Variants in ADGRB1 observed in about 807,000 individuals in gnomAD.
ADGRB1 encodes the protein brain-specific angiogenesis inhibitor 1.
ADGRB1 carries 36 observed loss-of-function variants against 175.7 expected under a neutral mutation model. The ratio of observed to expected loss-of-function variants is 0.20; its 90% CI spans 0.16 to 0.27. ADGRB1 has a LOEUF of 0.27. Among genes scored for constraint, ADGRB1 ranks in the 10% least tolerant of loss-of-function variants. The pLI, the probability that ADGRB1 is intolerant of heterozygous loss-of-function variation, is 1.00. For synonymous variants in ADGRB1, 1,054 were observed against 979.4 expected (o/e 1.08, Z -1.42); for missense variants, 1,731 against 2,255.3 (o/e 0.77, Z 4.71).
At chr8:142,479,628 C>T in intron 8 of ADGRB1, 65 bp from the exon 9 acceptor site, 1 of 1,492,836 alleles carries the variant, frequency 6.7e-7, no homozygotes, top group South Asian at 1.2e-5. Flanking sequence ...CGCCTTGCAC[C>T]TTCCAGAGCC....
intron 24 of ADGRB1, among the ~76,000 whole-genome samples, chr8:142,531,245 C>T (rs1331439885): frequency 6.6e-6 from 1 of 152,246 alleles, no homozygotes; most frequent in Non-Finnish European, 1.5e-5. Flanking sequence ...AACCGAGGCC[C>T]CAGCCGAGGG....
At position 142,517,984 on chromosome 8, in the gene ADGRB1, G is replaced by A. The variant is rs537559334; in HGVS notation, c.2818-154G>A. On this transcript the variant is annotated intron_variant, in intron 18 of 30. Coordinates refer to ENST00000517894, the MANE Select transcript of ADGRB1 (RefSeq NM_001702.3). ...CCTGGGCTGGTAGAGGAAACCCCTC[G>A]TCTGCAGGGGGCGGGTGGGGAGGTG... Among the ~76,000 whole-genome samples, 111 of 151,414 alleles carry A rather than the reference G, an allele frequency of 7.3e-4. 1 individual carries two copies. The East Asian group carries it at 0.021, about 28-fold the overall frequency.
chr8:142,511,811 G>GGCCC lies in ADGRB1; in HGVS notation c.2817+738_2817+739insGCCC, dbSNP rs541891533. Reference sequence around the variant, plus strand: ...ACAGCCCTCTACTGGGGCCCAGGCCGAGGCCCAGGACAGCCCACAGAGCAG... The same window carrying GGCCC: ...ACAGCCCTCTACTGGGGCCCAGGCCGGCCCAGGCCCAGGACAGCCCACAGAGCAG... On this transcript the variant is annotated intron_variant, in intron 18 of 30. Coordinates refer to ENST00000517894, the MANE Select transcript of ADGRB1 (RefSeq NM_001702.3). The surrounding 1 kb of genome is among the most constrained non-coding windows in gnomAD (Gnocchi z 4.5). Among the ~76,000 whole-genome samples, 440 of 152,294 alleles carry GGCCC rather than the reference G, an allele frequency of 2.9e-3. 2 individuals carry two copies. The highest frequency in any genetic ancestry group is 0.01 in the African/African-American group (427 of 41,542).
At chr8:142,498,187 G>T (rs945763214) in intron 17 of ADGRB1, among the ~76,000 whole-genome samples, 1 of 152,074 alleles carries the variant, frequency 6.6e-6, no homozygotes, top group African/African-American at 2.4e-5. Flanking sequence ...TCCTGGCAGC[G>T]GCTCCGATCT....
chr8:142,524,955 C>G (rs900382496), intron 23 of ADGRB1, among the ~76,000 whole-genome samples: 3 of 152,102 alleles, frequency 2.0e-5, no homozygotes, highest in African/African-American at 7.2e-5. Context: ...CCTCTCTACT[C>G]TGGCAGAGCA....
At chr8:142,531,635 G>A (rs953356830) in intron 24 of ADGRB1, among the ~76,000 whole-genome samples, 3 of 152,188 alleles carry the variant, frequency 2.0e-5, no homozygotes, top group African/African-American at 7.2e-5. Context: ...CCTGAGACCC[G>A]GGAGGCACTG....
intron 24 of ADGRB1, among the ~76,000 whole-genome samples, chr8:142,528,129 A>G (rs1357941660): frequency 6.6e-6 from 1 of 152,190 alleles, no homozygotes; most frequent in Admixed American, 6.5e-5. Context: ...ACGCACACCC[A>G]CACGCATGGG....
intron 27 of ADGRB1, chr8:142,539,658 A>T (rs1587446889): frequency 1.7e-6 from 1 of 582,684 alleles, no homozygotes; most frequent in East Asian, 2.8e-5. Context: ...AAGCTTCCAG[A>T]ACACTGCCCT....
intron 17 of ADGRB1, among the ~76,000 whole-genome samples, chr8:142,507,174 T>TA (rs1842887836): frequency 6.6e-6 from 1 of 152,180 alleles, no homozygotes; most frequent in African/African-American, 2.4e-5. Context: ...AGAAAGCCCT[T>TA]AGCACAGAGT....
rs1246207472 is a variant in ADGRB1, at chr8:142,500,257, CA to C, written c.2675+9443del. On this transcript the variant is annotated intron_variant, in intron 17 of 30. Coordinates refer to ENST00000517894, the MANE Select transcript of ADGRB1 (RefSeq NM_001702.3). Reference sequence around the variant, plus strand: ...TCCACCTCCCCACGCGCCGCTCCTCCACCTCCCCACGCGCCGCTCCTCCACC... The same window carrying C: ...TCCACCTCCCCACGCGCCGCTCCTCCCCTCCCCACGCGCCGCTCCTCCACC... 6.5e-4 allele frequency among the ~76,000 whole-genome samples: 76 copies of C among 116,230 alleles called. 5 individuals carry two copies. Among genetic ancestry groups the C allele is most frequent in the South Asian group, 2.7e-3 (7 of 2,630 alleles). 76.3% of individuals were successfully genotyped at this position (116,230 alleles called of 152,430 possible). A position where few individuals can be genotyped will look rare whatever the true frequency, so the allele number is the denominator to read the frequency against.
rs1273347567 is a variant in ADGRB1 at position 142,477,266 on chromosome 8, G to A, written c.1210G>A (p.Ala404Thr). The A allele has an allele frequency of 3.1e-6, 5 of 1,594,032 alleles. No homozygotes were observed. The African/African-American group carries it at 5.4e-5, about 17-fold the overall frequency. The change falls in exon 5 of 31, where the codon GCC (alanine) becomes ACC (threonine). Residue 404 changes from alanine to threonine, a missense_variant. By Grantham distance (58) the Ala-to-Thr change is moderately conservative. Transcript: ENST00000517894. ...LREQRLCNNS[A>T]VCPVHGAWDE... ...CGAGCAGCGGCTGTGCAACAACTCT[G>A]CCGTGTGCCCAGGTGGGTGGGACCT... is the stretch of plus-strand genomic sequence containing the variant.
chr8:142,515,873 T>C (rs1337940581), intron 18 of ADGRB1, among the ~76,000 whole-genome samples: 1 of 152,250 alleles, frequency 6.6e-6, no homozygotes, highest in Non-Finnish European at 1.5e-5. Flanking sequence ...CAGAGTTTCC[T>C]GCCGGGCACG....
intron 24 of ADGRB1, among the ~76,000 whole-genome samples, chr8:142,527,175 G>C (rs562072100): frequency 6.6e-6 from 1 of 152,218 alleles, no homozygotes. Context: ...AGACAGAGGC[G>C]CTTGGGATGT....
In ADGRB1 at chr8:142,484,016, A is replaced by T; in HGVS notation, c.2170A>T (p.Asn724Tyr). ...CCTTAGCAACCTGTTGGCAGAGGAG[A>T]ATCGGGACAAGTGGGAGGAGGCCCA... Reference protein sequence around the residue: ...QILSNLLAEENRDKWEEAQLA... With the variant: ...QILSNLLAEEYRDKWEEAQLA... Residue 724 changes from asparagine (N) to tyrosine (Y), a missense_variant, in exon 12 of 31, where the codon AAT becomes TAT. Transcript: ENST00000517894. 1 of 1,613,036 alleles carries T rather than the reference A, an allele frequency of 6.2e-7. No homozygotes were observed. Among genetic ancestry groups the T allele is most frequent in the Non-Finnish European group, 8.5e-7 (1 of 1,179,502 alleles).
chr8:142,492,900 A>C lies in ADGRB1; in HGVS notation c.2675+2085A>C, dbSNP rs998087487. Among the ~76,000 whole-genome samples, 1 of 151,436 alleles carries C rather than the reference A, an allele frequency of 6.6e-6. No individual in the cohort carries two copies. Among genetic ancestry groups the C allele is most frequent in the Non-Finnish European group, 1.5e-5 (1 of 67,924 alleles). Reference sequence around the variant, plus strand: ...TCCACCAGCACAGGCCCCTCCCCACAGTGCAGAAACCCTCCATCCGGGCTG... The same window carrying C: ...TCCACCAGCACAGGCCCCTCCCCACCGTGCAGAAACCCTCCATCCGGGCTG... On this transcript the variant is annotated intron_variant, in intron 17 of 30. Transcript: ENST00000517894. This position sits in a 1 kb window ranked among gnomAD's most constrained non-coding sequence, Gnocchi z 4.4.
chr8:142,537,797 C>T lies in ADGRB1; in HGVS notation c.3666+715C>T, dbSNP rs1845026726. ...GTGGCGGTTCCTACGTAAGGGCCCC[C>T]AACAGCCCCCTGTGGAGCCTCAACT... On this transcript the variant is annotated intron_variant, in intron 26 of 30. Transcript: ENST00000517894. The surrounding 1 kb of genome is among the most constrained non-coding windows in gnomAD (Gnocchi z 4.6). Among the ~76,000 whole-genome samples, 1 of 152,166 alleles carries T rather than the reference C, an allele frequency of 6.6e-6. No individual in the cohort carries two copies. Among genetic ancestry groups the T allele is most frequent in the Non-Finnish European group, 1.5e-5 (1 of 68,008 alleles).
In ADGRB1 at chr8:142,520,911, C is replaced by T. The variant is rs1163422281; in HGVS notation, c.3010C>T (p.Gln1004Ter). The change falls in exon 20 of 31, where the codon CAG (glutamine) becomes TAG (stop). Residue 1004 changes from glutamine (Q) to a stop codon, truncating the protein, a stop_gained. Coordinates refer to ENST00000517894, the MANE Select transcript of ADGRB1 (RefSeq NM_001702.3). LOFTEE classifies it high-confidence loss of function. ...TGCCCTCATCCTCATCGGGCAGACC[C>T]AGACCCGCAACAAGGTAGGCAGCCT... ...SNALILIGQT[Q>*]TRNKVVCTLV... 1 of 1,613,148 alleles carries T rather than the reference C, an allele frequency of 6.2e-7. No individual in the cohort carries two copies. Among genetic ancestry groups the T allele is most frequent in the Non-Finnish European group, 8.5e-7 (1 of 1,179,380 alleles).
In ADGRB1 at chr8:142,481,237, G is replaced by C. The variant is rs1219604384; in HGVS notation, c.1829-17G>C. On this transcript the variant is annotated splice_polypyrimidine_tract_variant and intron_variant, in intron 9 of 30. Coordinates refer to ENST00000517894, the MANE Select transcript of ADGRB1 (RefSeq NM_001702.3). ...CAGGCAGCGGGCATCCACCTGAGAA[G>C]GGGATGGTCTCCCCAGGACTCATCC... 1 of 1,610,986 alleles carries C rather than the reference G, an allele frequency of 6.2e-7. No individual in the cohort carries two copies. Among genetic ancestry groups the C allele is most frequent in the Non-Finnish European group, 8.5e-7 (1 of 1,177,542 alleles).
chr8:142,518,569 T>C (rs1413555366), intron 19 of ADGRB1, among the ~76,000 whole-genome samples: 1 of 152,150 alleles, frequency 6.6e-6, no homozygotes. Flanking sequence ...GCCACAGCCT[T>C]CCCCGGACCC....
Sources: gnomAD v4.1 joint callset for allele counts (sites outside exome capture counted in the v4.1 genomes callset) on GRCh38, gnomAD v4.1.1 for gene constraint, Gnocchi (gnomAD v3.1) non-coding constraint, MANE v1.5 for transcripts, NCBI Gene and HGNC (gene_info 2026-07-23, HGNC 2026-07-21) for gene names.